NFIA: variants seen among roughly 807,000 people sequenced by gnomAD.
NFIA encodes nuclear factor 1 A-type.
In NFIA, 8 loss-of-function variants were observed where a neutral mutation model predicts 62.8. The observed-to-expected ratio is 0.13, with a 90% CI of 0.07 to 0.23. The LOEUF (loss-of-function observed/expected upper bound fraction) is 0.23, where lower values mean the gene tolerates loss of function less well. Ranked by LOEUF, NFIA falls within the 10% of genes least tolerant of loss-of-function variation. NFIA has a pLI of 1.00. For synonymous variants in NFIA, 235 were observed against 238.1 expected, an observed-to-expected ratio of 0.99 and a Z score of 0.12; for missense variants, 410 against 642.1, an observed-to-expected ratio of 0.64 and a Z score of 3.91.
chr1:61,102,580 C>T (rs891339966), intron 2 of NFIA, among the ~76,000 whole-genome samples: 2 of 151,988 alleles, frequency 1.3e-5, no homozygotes, highest in African/African-American at 4.8e-5. Context: ...TTTAGTTTTC[C>T]CTTACTTCAT....
chr1:61,142,056 A>G (rs945155615), intron 2 of NFIA, among the ~76,000 whole-genome samples: 2 of 152,104 alleles, frequency 1.3e-5, no homozygotes, highest in Non-Finnish European at 2.9e-5. Flanking sequence ...AAGGCAATTC[A>G]GTTTTGGGCC....
chr1:61,082,057 G>C (rs913867285), upstream of NFIA: 7 of 1,545,902 alleles, frequency 4.5e-6, no homozygotes, highest in African/African-American at 8.2e-5. Flanking sequence ...GGTCCGCGGA[G>C]GTCTGCAGCG....
At chr1:61,114,305 G>A (rs1224899951) in intron 2 of NFIA, among the ~76,000 whole-genome samples, 2 of 151,998 alleles carry the variant, frequency 1.3e-5, no homozygotes, top group African/African-American at 2.4e-5. Flanking sequence ...GGACAACATA[G>A]CAAGACCCCA....
intron 2 of NFIA, among the ~76,000 whole-genome samples, chr1:61,152,640 C>T (rs1476644187): frequency 6.6e-6 from 1 of 152,046 alleles, no homozygotes; most frequent in Non-Finnish European, 1.5e-5. Context: ...TGATCTAAGG[C>T]CTTTTTTTTC....
chr1:61,119,211 G>T (rs1646845006), intron 2 of NFIA, among the ~76,000 whole-genome samples: 2 of 151,914 alleles, frequency 1.3e-5, no homozygotes, highest in Admixed American at 6.6e-5. Context: ...TTTCCCCCTG[G>T]TGTTACTTAC....
chr1:61,100,435 G>A (rs1219060923), intron 2 of NFIA, among the ~76,000 whole-genome samples: 1 of 152,100 alleles, frequency 6.6e-6, no homozygotes. Flanking sequence ...ATAGATTCCC[G>A]AGATGCAAAA....
chr1:61,431,746 C>T (rs1001778860), intron 10 of NFIA, among the ~76,000 whole-genome samples: 3 of 152,192 alleles, frequency 2.0e-5, no homozygotes, highest in Admixed American at 2.0e-4. Flanking sequence ...GGGCATGACA[C>T]CCGTTGTCTG....
intron 2 of NFIA, among the ~76,000 whole-genome samples, chr1:61,270,175 G>C (rs1319641831): frequency 6.6e-6 from 1 of 152,214 alleles, no homozygotes; most frequent in African/African-American, 2.4e-5. Flanking sequence ...TAGGGCAGAG[G>C]TAAATGTACA....
intron 2 of NFIA, among the ~76,000 whole-genome samples, chr1:61,234,367 CAA>C (rs34304036): frequency 0.028 from 2,074 of 73,366 alleles, 26 homozygotes; most frequent in African/African-American, 0.062. Context: ...AACGCCATCT[CAA>C]AAAAAAAAAA....
intron 4 of NFIA, among the ~76,000 whole-genome samples, chr1:61,342,314 A>G (rs962223580): frequency 3.3e-5 from 5 of 151,938 alleles, no homozygotes; most frequent in African/African-American, 1.2e-4. Context: ...TGTGGGGCTT[A>G]TGTTTAGCTT....
chr1:61,293,423 A>C (rs1160594187), intron 3 of NFIA, among the ~76,000 whole-genome samples: 1 of 152,232 alleles, frequency 6.6e-6, no homozygotes, highest in African/African-American at 2.4e-5. Context: ...AGGACCCAGC[A>C]TGTAAAGCTG....
intron 10 of NFIA, among the ~76,000 whole-genome samples, chr1:61,453,077 GATTA>G (rs1557451295): frequency 1.3e-5 from 2 of 152,318 alleles, no homozygotes; most frequent in East Asian, 1.9e-4. Context: ...GAGAAAGACA[GATTA>G]ATTAAATATA....
At chr1:61,277,216 G>A (rs768826796) in intron 2 of NFIA, among the ~76,000 whole-genome samples, 1 of 152,196 alleles carries the variant, frequency 6.6e-6, no homozygotes, top group Non-Finnish European at 1.5e-5. Context: ...GTGGAGAAGA[G>A]CAGTTTGGAA....
At chr1:61,103,011 A>G (rs1188484343) in intron 2 of NFIA, among the ~76,000 whole-genome samples, 1 of 152,182 alleles carries the variant, frequency 6.6e-6, no homozygotes, top group Non-Finnish European at 1.5e-5. Flanking sequence ...GTGTCACTGC[A>G]TGTTCTTATT....
intron 2 of NFIA, among the ~76,000 whole-genome samples, chr1:61,192,204 C>T (rs1040088512): frequency 2.0e-5 from 3 of 152,124 alleles, no homozygotes; most frequent in South Asian, 2.1e-4. Flanking sequence ...GTAATCCGCC[C>T]GCCTTGGCCT....
intron 2 of NFIA, among the ~76,000 whole-genome samples, chr1:61,217,511 G>A (rs1345705047): frequency 6.6e-6 from 1 of 152,130 alleles, no homozygotes; most frequent in Non-Finnish European, 1.5e-5. Context: ...TCCTTTAGCT[G>A]TGCTTCCAGA....
At chr1:61,320,252 G>A (rs1660611598) in intron 3 of NFIA, among the ~76,000 whole-genome samples, 1 of 152,038 alleles carries the variant, frequency 6.6e-6, no homozygotes, top group Non-Finnish European at 1.5e-5. Context: ...AGAATTTTCT[G>A]GTACTTCTAA....
intron 2 of NFIA, among the ~76,000 whole-genome samples, chr1:61,272,633 C>G (rs999616444): frequency 2.0e-5 from 3 of 152,272 alleles, no homozygotes; most frequent in African/African-American, 7.2e-5. Context: ...TAAAACTTAT[C>G]TAAATTTTGA....
chr1:61,408,890 T>C (rs1426797017), intron 9 of NFIA, among the ~76,000 whole-genome samples: 1 of 152,252 alleles, frequency 6.6e-6, no homozygotes, highest in Non-Finnish European at 1.5e-5. Flanking sequence ...TCTTACATAG[T>C]GGAAGACTCC....
Sources: allele counts gnomAD v4.1 joint callset (sites outside exome capture counted in the v4.1 genomes callset), GRCh38; gene constraint gnomAD v4.1.1; transcripts MANE v1.5; gene names NCBI Gene and HGNC (gene_info 2026-07-23, HGNC 2026-07-21).